Variants in ODAD2 observed in about 807,000 individuals in gnomAD.
ODAD2 encodes outer dynein arm-docking complex subunit 2.
ODAD2 carries 89 observed loss-of-function variants against 106.8 expected under a neutral mutation model. The ratio of observed to expected loss-of-function variants is 0.83; its 90% confidence interval spans 0.70 to 0.99. The LOEUF is 0.99. ODAD2 is among the 50% of genes least tolerant of loss of function. ODAD2 has a pLI of 0.00. For synonymous variants in ODAD2, 404 were observed against 436.2 expected (o/e 0.93, Z 0.92); for missense variants, 1,168 against 1,238.5 (o/e 0.94, Z 0.85).
chr10:27,815,031 C>CA (rs1312389886), intron 19 of ODAD2, among the ~76,000 whole-genome samples: 4 of 152,162 alleles, frequency 2.6e-5, no homozygotes, highest in Non-Finnish European at 5.9e-5. Context: ...TTTTAGCCCC[C>CA]ATTTCCAGAA....
chr10:27,818,497 T>A (rs1176948737), intron 19 of ODAD2, among the ~76,000 whole-genome samples: 1 of 152,168 alleles, frequency 6.6e-6, no homozygotes, highest in Non-Finnish European at 1.5e-5. Flanking sequence ...AATTTTGTTA[T>A]TACAGCCAGG....
chr10:27,815,597 T>C (rs1002408906), intron 19 of ODAD2, among the ~76,000 whole-genome samples: 1 of 152,202 alleles, frequency 6.6e-6, no homozygotes, highest in Non-Finnish European at 1.5e-5. Flanking sequence ...ACTTCCTCCT[T>C]CTCTGCCACT....
At chr10:27,923,026 C>T (rs1478425304) in intron 16 of ODAD2, among the ~76,000 whole-genome samples, 1 of 131,596 alleles carries the variant, frequency 7.6e-6, no homozygotes, top group African/African-American at 2.5e-5. Context: ...ACAAAGATAA[C>T]CACTAGAACA....
At chr10:27,943,303 T>C (rs1846584404) in intron 12 of ODAD2, among the ~76,000 whole-genome samples, 1 of 152,116 alleles carries the variant, frequency 6.6e-6, no homozygotes, top group Non-Finnish European at 1.5e-5. Flanking sequence ...TTGGCAAATG[T>C]AGAAATGCAG....
intron 10 of ODAD2, chr10:27,957,363 C>A (rs1221265701): frequency 6.6e-6 from 1 of 152,210 alleles, no homozygotes; most frequent in African/African-American, 2.4e-5. Flanking sequence ...CCCTTCACAC[C>A]ATCGGGGCAG....
rs745382104 is a variant in ODAD2, at chr10:27,825,234, C to G, written c.3022-12609G>C. ...ACATCTTCCCATTACCATCACTGGT[C>G]TGAGCCACTACTATCTCTTGAACTG... On this transcript the variant is annotated intron_variant, in intron 19 of 19. Coordinates refer to ENST00000305242, the MANE Select transcript of ODAD2 (RefSeq NM_018076.5). Among the ~76,000 whole-genome samples, 25 of 152,238 alleles carry G rather than the reference C, an allele frequency of 1.6e-4. 1 individual carries two copies. The highest frequency in any genetic ancestry group is 3.1e-4 in the African/African-American group (13 of 41,468).
At chr10:27,821,669 CT>C (rs1170898636) in intron 19 of ODAD2, among the ~76,000 whole-genome samples, 1 of 152,180 alleles carries the variant, frequency 6.6e-6, no homozygotes, top group African/African-American at 2.4e-5. Context: ...TTTCTAATCT[CT>C]TTGTCATAAT....
At chr10:27,932,377 C>T (rs1247597586) in intron 16 of ODAD2, among the ~76,000 whole-genome samples, 2 of 152,098 alleles carry the variant, frequency 1.3e-5, no homozygotes, top group African/African-American at 2.4e-5. Flanking sequence ...CTACTGACTG[C>T]GTATTTTTGC....
intron 2 of ODAD2, among the ~76,000 whole-genome samples, chr10:27,993,107 AT>A (rs1214528092): frequency 6.6e-6 from 1 of 151,832 alleles, no homozygotes; most frequent in African/African-American, 2.4e-5. Flanking sequence ...TAGAGACAGG[AT>A]TTCACCATGT....
intron 17 of ODAD2, among the ~76,000 whole-genome samples, chr10:27,897,514 A>T (rs1384176228): frequency 1.3e-5 from 2 of 152,112 alleles, no homozygotes; most frequent in African/African-American, 4.8e-5. Context: ...ATTCTTTCTT[A>T]TATTGTCTCT....
chr10:27,947,076 A>G (rs1014390765), intron 10 of ODAD2, among the ~76,000 whole-genome samples: 10 of 152,208 alleles, frequency 6.6e-5, no homozygotes, highest in Admixed American at 3.3e-4. Flanking sequence ...CTAATAAGTC[A>G]TGTTCTTACA....
chr10:27,948,723 A>G (rs943117504), intron 10 of ODAD2, among the ~76,000 whole-genome samples: 1 of 143,784 alleles, frequency 7.0e-6, no homozygotes, highest in African/African-American at 2.5e-5. Flanking sequence ...TTCTTTTGCT[A>G]GTTGTCTCCC....
chr10:27,957,399 C>T (rs562692932), intron 10 of ODAD2: 4 of 152,306 alleles, frequency 2.6e-5, no homozygotes, highest in African/African-American at 9.6e-5. Flanking sequence ...CCTGTGCACA[C>T]TAGCAAGATG....
At chr10:27,822,651 T>G (rs929023344) in intron 19 of ODAD2, among the ~76,000 whole-genome samples, 1 of 152,190 alleles carries the variant, frequency 6.6e-6, no homozygotes, top group African/African-American at 2.4e-5. Flanking sequence ...GGTAATTCAT[T>G]TCACATGACA....
intron 19 of ODAD2, among the ~76,000 whole-genome samples, chr10:27,815,621 G>T (rs1382347660): frequency 6.6e-6 from 1 of 152,068 alleles, no homozygotes; most frequent in East Asian, 1.9e-4. Context: ...TTCTTCTACC[G>T]TACTCCCCTG....
intron 19 of ODAD2, among the ~76,000 whole-genome samples, chr10:27,847,486 G>T (rs982018170): frequency 4.0e-5 from 6 of 151,590 alleles, no homozygotes; most frequent in Non-Finnish European, 8.9e-5. Flanking sequence ...GGGCAAAAAT[G>T]AAGCATTCCC....
intron 2 of ODAD2, among the ~76,000 whole-genome samples, chr10:27,988,815 C>G (rs774706520): frequency 4.6e-5 from 7 of 152,076 alleles, no homozygotes; most frequent in Non-Finnish European, 1.0e-4. Flanking sequence ...ATCCCCAAAA[C>G]CTATGAACAT....
At chr10:27,891,381 T>G (rs1027227233) in intron 17 of ODAD2, among the ~76,000 whole-genome samples, 35 of 151,830 alleles carry the variant, frequency 2.3e-4, no homozygotes, top group Non-Finnish European at 1.3e-4. Context: ...GTTTTTTGTT[T>G]TTTTTTTTTC....
intron 17 of ODAD2, chr10:27,904,228 C>G (rs1193235544): frequency 1.3e-5 from 5 of 394,788 alleles, no homozygotes; most frequent in Admixed American, 7.0e-5. Flanking sequence ...ATTCCTAAAG[C>G]CTTCCAGACT....
Sources: gnomAD v4.1 joint callset for allele counts (sites outside exome capture counted in the v4.1 genomes callset) on GRCh38, gnomAD v4.1.1 for gene constraint, MANE v1.5 for transcripts, NCBI Gene and HGNC (gene_info 2026-07-23, HGNC 2026-07-21) for gene names.